TBL1X: variants seen among roughly 807,000 people sequenced by gnomAD.
TBL1X encodes the protein F-box-like/WD repeat-containing protein TBL1X.
Under a neutral mutation model 50.7 loss-of-function variants are expected in TBL1X, and 10 were observed. That is an observed-to-expected ratio of 0.20 (90% confidence interval 0.12 to 0.33). The LOEUF is 0.33. Among genes scored for constraint, TBL1X ranks in the 10% least tolerant of loss-of-function variants. TBL1X has a pLI of 1.00. For synonymous variants in TBL1X, 190 were observed against 214.7 expected, an observed-to-expected ratio of 0.88 and a Z score of 1.01; for missense variants, 340 against 504.4, an observed-to-expected ratio of 0.67 and a Z score of 3.12.
chrX:9,712,077 T>C (rs2083250958), intron 16 of TBL1X, among the ~76,000 whole-genome samples: 2 of 112,403 alleles, frequency 1.8e-5, no homozygotes, highest in Non-Finnish European at 3.8e-5. Context: ...GGAGCCGCTG[T>C]CTTCTGTTCA....
chrX:9,581,240 G>C (rs1035751930), intron 2 of TBL1X, among the ~76,000 whole-genome samples: 1 of 112,025 alleles, frequency 8.9e-6, no homozygotes, highest in Non-Finnish European at 1.9e-5. Context: ...ATTGTATTTT[G>C]CCTTCCTGAA....
intron 2 of TBL1X, among the ~76,000 whole-genome samples, chrX:9,567,719 CTG>C (rs761351462): frequency 4.0e-4 from 45 of 112,104 alleles, no homozygotes; most frequent in Admixed American, 1.2e-3. Flanking sequence ...TTCGTGAGCA[CTG>C]TGAGGGCATC....
At chrX:9,662,868 G>A (rs768039574) in intron 5 of TBL1X, among the ~76,000 whole-genome samples, 1 of 112,211 alleles carries the variant, frequency 8.9e-6, no homozygotes, top group Non-Finnish European at 1.9e-5. Context: ...GAGGTGGGGG[G>A]ATCACTTGAG....
intron 2 of TBL1X, among the ~76,000 whole-genome samples, chrX:9,510,065 C>T (rs934422738): frequency 9.0e-6 from 1 of 111,527 alleles, no homozygotes; most frequent in East Asian, 2.8e-4. Context: ...ATAATCACCA[C>T]ACCCTAACAT....
chrX:9,662,597 C>T (rs1472301698), intron 5 of TBL1X, among the ~76,000 whole-genome samples: 5 of 111,689 alleles, frequency 4.5e-5, no homozygotes, highest in African/African-American at 1.6e-4. Context: ...TTAATGGGTA[C>T]AGTTTCCATT....
chrX:9,716,382 G>A lies in TBL1X; in HGVS notation c.*136G>A, dbSNP rs989498532. 2.1e-4 allele frequency: 135 copies of A among 643,488 alleles called. No homozygotes were observed. The highest frequency in any genetic ancestry group is 6.7e-4 in the Middle Eastern group (2 of 2,996). 53.0% of individuals were successfully genotyped at this position (643,488 alleles called of 1,213,427 possible). On this transcript the variant is annotated 3_prime_UTR_variant, in exon 18 of 18. Transcript: ENST00000645353. The stretch of plus-strand genomic sequence containing the variant: ...CTCTGAAACCAACTCGTCTCTGGCC[G>A]CAGGAGTCTATATGTTTTCGTAATC...
chrX:9,706,101 C>T (rs1318467001), intron 13 of TBL1X, among the ~76,000 whole-genome samples: 5 of 111,392 alleles, frequency 4.5e-5, no homozygotes, highest in Non-Finnish European at 5.7e-5. Flanking sequence ...CCCCATGATC[C>T]GGACACCTCC....
intron 2 of TBL1X, among the ~76,000 whole-genome samples, chrX:9,576,695 TAAA>T (rs146596930): frequency 3.7e-4 from 27 of 72,365 alleles, no homozygotes; most frequent in Non-Finnish European, 4.7e-4. Flanking sequence ...AGCACTACAT[TAAA>T]AAAAAAAAAA....
intron 2 of TBL1X, among the ~76,000 whole-genome samples, chrX:9,618,387 A>T (rs1345071675): frequency 9.0e-6 from 1 of 111,642 alleles, no homozygotes; most frequent in Non-Finnish European, 1.9e-5. Flanking sequence ...CTTTTAAAAT[A>T]TTTTCTGGCC....
At chrX:9,476,985 C>T (rs984683392) in intron 1 of TBL1X, among the ~76,000 whole-genome samples, 7 of 112,230 alleles carry the variant, frequency 6.2e-5, no homozygotes, top group Non-Finnish European at 1.1e-4. Flanking sequence ...GCATTTTTAT[C>T]TCAGTCAGTA....
intron 1 of TBL1X, among the ~76,000 whole-genome samples, chrX:9,482,653 C>G (rs919655163): frequency 9.0e-6 from 1 of 111,097 alleles, no homozygotes; most frequent in Non-Finnish European, 1.9e-5. Context: ...TGGGACCAAC[C>G]CCTGCAACTA....
intron 5 of TBL1X, 39 bp from the exon 6 acceptor site, chrX:9,684,004 C>T (rs181195291): frequency 7.9e-5 from 96 of 1,209,084 alleles, no homozygotes; most frequent in African/African-American, 5.3e-5. Context: ...TCCTTCAATT[C>T]GGGTCTCACT....
At chrX:9,550,968 C>A (rs951253730) in intron 2 of TBL1X, among the ~76,000 whole-genome samples, 1 of 111,296 alleles carries the variant, frequency 9.0e-6, no homozygotes, top group African/African-American at 3.3e-5. Flanking sequence ...ACAGCCCCCC[C>A]CCAACCAAGA....
chrX:9,495,698 G>T (rs980076813), intron 1 of TBL1X, among the ~76,000 whole-genome samples: 1 of 111,578 alleles, frequency 9.0e-6, no homozygotes, highest in Non-Finnish European at 1.9e-5. Flanking sequence ...CTCATCTAAC[G>T]CACGTATTTT....
intron 5 of TBL1X, among the ~76,000 whole-genome samples, chrX:9,665,489 CTATATA>C (rs56756151): frequency 0.019 from 377 of 19,696 alleles, 12 homozygotes; most frequent in Non-Finnish European, 0.022. Context: ...GATATTCAAG[CTATATA>C]TATATATATA....
At chrX:9,624,814 A>T (rs2082684227) in intron 2 of TBL1X, among the ~76,000 whole-genome samples, 1 of 110,524 alleles carries the variant, frequency 9.0e-6, no homozygotes, top group Non-Finnish European at 1.9e-5. Context: ...TGCTACTTAG[A>T]TACGGAAGCT....
At chrX:9,609,710 G>A (rs2082604166) in intron 2 of TBL1X, among the ~76,000 whole-genome samples, 1 of 111,028 alleles carries the variant, frequency 9.0e-6, no homozygotes, top group Admixed American at 9.6e-5. Context: ...AGGAGGGACG[G>A]GGGTAAGTGG....
intron 2 of TBL1X, among the ~76,000 whole-genome samples, chrX:9,571,232 G>A (rs775694343): frequency 3.6e-5 from 4 of 111,550 alleles, no homozygotes; most frequent in African/African-American, 9.8e-5. Context: ...TCCTCGGAGC[G>A]TCTGTGTATG....
intron 2 of TBL1X, among the ~76,000 whole-genome samples, chrX:9,577,659 G>A (rs756944935): frequency 3.6e-5 from 4 of 111,817 alleles, no homozygotes; most frequent in South Asian, 3.8e-4. Flanking sequence ...CCCCATATGC[G>A]CCACGATGGA....
Sources: allele counts gnomAD v4.1 joint callset (sites outside exome capture counted in the v4.1 genomes callset), GRCh38; gene constraint gnomAD v4.1.1; transcripts MANE v1.5; gene names NCBI Gene and HGNC (gene_info 2026-07-23, HGNC 2026-07-21).